YWHAG: variants seen among roughly 807,000 people sequenced by gnomAD.
The protein encoded by YWHAG is 14-3-3 protein gamma.
YWHAG carries 1 observed loss-of-function variant against 23.3 expected under a neutral mutation model. That is an observed-to-expected ratio of 0.04 (90% confidence interval 0.02 to 0.20). YWHAG has a LOEUF of 0.20. Among genes scored for constraint, YWHAG ranks in the 10% least tolerant of loss-of-function variants. The probability of loss-of-function intolerance (pLI) is 1.00; values close to 1 mark genes in which losing one functional copy is unlikely to be tolerated. For missense variants in YWHAG, 151 were observed against 338.6 expected, an observed-to-expected ratio of 0.45 and a Z score of 4.35; for synonymous variants, 160 against 144.0, an observed-to-expected ratio of 1.11 and a Z score of -0.80.
intron 1 of YWHAG, among the ~76,000 whole-genome samples, chr7:76,348,578 G>T (rs1338828147): frequency 3.3e-5 from 5 of 151,950 alleles, no homozygotes; most frequent in Non-Finnish European, 7.4e-5. Context: ...TAATTTTTTT[G>T]TATTTTTAGT....
intron 1 of YWHAG, among the ~76,000 whole-genome samples, chr7:76,352,121 C>A (rs1398222506): frequency 6.6e-6 from 1 of 152,024 alleles, no homozygotes; most frequent in East Asian, 1.9e-4. Flanking sequence ...TGTATAGAAA[C>A]AGTCAAAAAT....
At chr7:76,345,358 T>C (rs1803762950) in intron 1 of YWHAG, among the ~76,000 whole-genome samples, 1 of 151,960 alleles carries the variant, frequency 6.6e-6, no homozygotes, top group South Asian at 2.1e-4. Context: ...GCTAATTTTT[T>C]GTATTTTTTA....
chr7:76,344,025 C>T (rs1201066239), intron 1 of YWHAG, among the ~76,000 whole-genome samples: 2 of 152,198 alleles, frequency 1.3e-5, no homozygotes, highest in African/African-American at 2.4e-5. Context: ...TCTTTCTCTG[C>T]AAGTGTTACT....
intron 1 of YWHAG, among the ~76,000 whole-genome samples, chr7:76,347,954 A>G (rs1336500542): frequency 6.6e-6 from 1 of 152,210 alleles, no homozygotes; most frequent in East Asian, 1.9e-4. Context: ...ACACACTGCA[A>G]TCGTGGGATC....
At position 76,329,404 on chromosome 7, in the gene YWHAG, A is replaced by G. The variant is rs1232562794; in HGVS notation, c.*173T>C. ...AGCACAGCTAGCCTGACTTTCCACT[A>G]GTGGTATTTTGGCAAAAATGTCAAA... On this transcript the variant is annotated 3_prime_UTR_variant, in exon 2 of 2. Transcript: ENST00000307630. The surrounding 1 kb of genome is among the most constrained non-coding windows in gnomAD (Gnocchi z 6.1). 2 of 760,016 alleles carry G rather than the reference A, an allele frequency of 2.6e-6. No homozygotes were observed. The highest frequency in any genetic ancestry group is 4.1e-6 in the Non-Finnish European group (2 of 486,386). 47.1% of individuals were successfully genotyped at this position (760,016 alleles called of 1,614,324 possible).
rs1481160932 is a variant in YWHAG, at chr7:76,358,976, G to A, written c.-168C>T. The A allele has an allele frequency of 1.2e-5, 6 of 519,638 alleles. No homozygotes were observed. Among genetic ancestry groups the A allele is most frequent in the Non-Finnish European group, 1.6e-5 (5 of 316,086 alleles). 32.2% of individuals were successfully genotyped at this position (519,638 alleles called of 1,614,324 possible). Reference sequence around the variant, plus strand: ...GGCTGGAGCTGCGACCGCGGGACCGGGCGCGAGGCGGCTGCGGCTGCTGTG... The same window carrying A: ...GGCTGGAGCTGCGACCGCGGGACCGAGCGCGAGGCGGCTGCGGCTGCTGTG... On this transcript the variant is annotated 5_prime_UTR_variant, in exon 1 of 2. Coordinates refer to ENST00000307630, the MANE Select transcript of YWHAG (RefSeq NM_012479.4).
At chr7:76,331,486 G>C (rs1001351889) in intron 1 of YWHAG, among the ~76,000 whole-genome samples, 1 of 151,950 alleles carries the variant, frequency 6.6e-6, no homozygotes, top group Non-Finnish European at 1.5e-5. Flanking sequence ...GCCCAGGATG[G>C]CTTTGAATGC....
chr7:76,354,592 G>A (rs975977877), intron 1 of YWHAG, among the ~76,000 whole-genome samples: 3 of 152,028 alleles, frequency 2.0e-5, no homozygotes, highest in African/African-American at 7.3e-5. Context: ...GGCAAAGAAG[G>A]GAAAAGTAAC....
intron 1 of YWHAG, among the ~76,000 whole-genome samples, chr7:76,349,109 G>A (rs1386681662): frequency 6.6e-6 from 1 of 152,094 alleles, no homozygotes; most frequent in Non-Finnish European, 1.5e-5. Context: ...TTGGGAGGCC[G>A]AGGTAGGTGG....
intron 1 of YWHAG, among the ~76,000 whole-genome samples, chr7:76,352,543 C>A (rs1234544999): frequency 1.3e-5 from 2 of 152,074 alleles, no homozygotes; most frequent in Admixed American, 6.6e-5. Context: ...AGGTACCCTT[C>A]CAAAGGTTAA....
At position 76,329,741 on chromosome 7, in the gene YWHAG, A is replaced by G. The variant is rs897103736; in HGVS notation, c.580T>C (p.Cys194Arg). ...YEIQNAPEQA[C>R]HLAKTAFDDA... ...TCGAACGCGGTCTTGGCCAAGTGGC[A>G]CGCTTGCTCTGGGGCGTTCTGGATC... The change falls in exon 2 of 2, where the codon TGC becomes CGC. Residue 194 changes from cysteine to arginine, a missense_variant. By Grantham distance (180) the Cys-to-Arg change is radical. Transcript: ENST00000307630. The surrounding 1 kb of genome is among the most constrained non-coding windows in gnomAD (Gnocchi z 6.1). The G allele has an allele frequency of 6.2e-7, 1 of 1,614,022 alleles. No homozygotes were observed. The highest frequency in any genetic ancestry group is 1.3e-5 in the African/African-American group (1 of 74,914).
intron 1 of YWHAG, among the ~76,000 whole-genome samples, chr7:76,339,000 C>A (rs1803654190): frequency 6.6e-6 from 1 of 152,228 alleles, no homozygotes; most frequent in Non-Finnish European, 1.5e-5. Context: ...AACAAACCCT[C>A]TCCACAATTT....
chr7:76,329,151 G>C lies in YWHAG; in HGVS notation c.*426C>G, dbSNP rs1803501538. ...TACACCCTGGAAAACATGCAGAGCCGAGACAGATGAGATAGAAAGTACCCA... is the reference window on the plus strand; with the variant it reads ...TACACCCTGGAAAACATGCAGAGCCCAGACAGATGAGATAGAAAGTACCCA... On this transcript the variant is annotated 3_prime_UTR_variant, in exon 2 of 2. Coordinates refer to ENST00000307630, the MANE Select transcript of YWHAG (RefSeq NM_012479.4). This position sits in a 1 kb window ranked among gnomAD's most constrained non-coding sequence, Gnocchi z 6.1. The C allele has an allele frequency of 5.7e-6, 1 of 174,284 alleles. No individual in the cohort carries two copies. 10.8% of individuals were successfully genotyped at this position (174,284 alleles called of 1,614,324 possible). A position where few individuals can be genotyped will look rare whatever the true frequency, so the allele number is the denominator to read the frequency against.
intron 1 of YWHAG, among the ~76,000 whole-genome samples, chr7:76,354,164 A>T (rs1408782975): frequency 2.0e-5 from 3 of 152,160 alleles, no homozygotes; most frequent in African/African-American, 7.2e-5. Context: ...AAGAGAAGAT[A>T]ACGTTTTATA....
chr7:76,330,772 T>C (rs1464210345), intron 1 of YWHAG, among the ~76,000 whole-genome samples: 1 of 152,192 alleles, frequency 6.6e-6, no homozygotes, highest in African/African-American at 2.4e-5. Context: ...TGTGATACTT[T>C]AGCAACCCAG....
In YWHAG at chr7:76,327,782, A is replaced by C. The variant is rs1308777542; in HGVS notation, c.*1795T>G. ...TCTACTAGTTCTTCTGGTAGGCTTC[A>C]CTTAACTGGGACTTTTACTCTAGCG... On this transcript the variant is annotated 3_prime_UTR_variant, in exon 2 of 2. Transcript: ENST00000307630. 1 of 148,776 alleles carries C rather than the reference A, an allele frequency of 6.7e-6. No homozygotes were observed. The highest frequency in any genetic ancestry group is 2.0e-4 in the East Asian group (1 of 5,032). The allele number at this position is 148,776 out of a possible 1,614,324, so 9.2% of individuals were successfully genotyped here.
chr7:76,338,781 C>A (rs1490132718), intron 1 of YWHAG, among the ~76,000 whole-genome samples: 1 of 152,200 alleles, frequency 6.6e-6, no homozygotes, highest in Non-Finnish European at 1.5e-5. Context: ...TCTCTGATCA[C>A]AATGCCAAGG....
chr7:76,347,040 C>T (rs1803788933), intron 1 of YWHAG, among the ~76,000 whole-genome samples: 2 of 152,154 alleles, frequency 1.3e-5, no homozygotes, highest in Non-Finnish European at 2.9e-5. Flanking sequence ...AACCTCTCCC[C>T]CTCCCTCAAG....
intron 1 of YWHAG, among the ~76,000 whole-genome samples, chr7:76,334,265 TA>T (rs1191886943): frequency 6.6e-6 from 1 of 152,228 alleles, no homozygotes; most frequent in Non-Finnish European, 1.5e-5. Context: ...ATATTAGTTT[TA>T]AAGGTCAACA....
Sources: gnomAD v4.1 joint callset for allele counts (sites outside exome capture counted in the v4.1 genomes callset) on GRCh38, gnomAD v4.1.1 for gene constraint, Gnocchi (gnomAD v3.1) non-coding constraint, MANE v1.5 for transcripts, NCBI Gene and HGNC (gene_info 2026-07-23, HGNC 2026-07-21) for gene names.